The following XIRP2 variants were observed in gnomAD, a reference collection of about 807,000 sequenced individuals.
XIRP2 encodes the protein xin actin-binding repeat-containing protein 2.
Under a neutral mutation model 277.0 loss-of-function variants are expected in XIRP2, and 236 were observed. The ratio of observed to expected loss-of-function variants is 0.85; its 90% confidence interval spans 0.77 to 0.95. The LOEUF (loss-of-function observed/expected upper bound fraction) is 0.95, where lower values mean the gene tolerates loss of function less well. XIRP2 is among the 40% of genes least tolerant of loss of function. XIRP2 has a pLI of 0.00. For missense variants in XIRP2, 4,640 were observed against 4,157.5 expected, an observed-to-expected ratio of 1.12 and a Z score of -3.19; for synonymous variants, 1,490 against 1,416.5, an observed-to-expected ratio of 1.05 and a Z score of -1.17.
At chr2:167,239,997 A>G in intron 6 of XIRP2, 32 bp downstream of exon 6, 3 of 1,557,948 alleles carry the variant, frequency 1.9e-6, no homozygotes, top group East Asian at 2.3e-5. Flanking sequence ...ACTTTCAAAC[A>G]GTTTCCAGGA....
intron 3 of XIRP2, among the ~76,000 whole-genome samples, chr2:167,206,090 G>A (rs997193969): frequency 3.3e-5 from 5 of 152,058 alleles, no homozygotes; most frequent in African/African-American, 9.7e-5. Context: ...TCTGAATTTT[G>A]TTTCTTTACT....
At chr2:167,152,667 T>C (rs1422215501) in intron 3 of XIRP2, among the ~76,000 whole-genome samples, 3 of 152,006 alleles carry the variant, frequency 2.0e-5, no homozygotes, top group Non-Finnish European at 4.4e-5. Flanking sequence ...AACAAGAAGA[T>C]AGACCAAATA....
chr2:166,892,698 G>A (rs1011627779), intron 1 of XIRP2, among the ~76,000 whole-genome samples: 1 of 151,608 alleles, frequency 6.6e-6, no homozygotes, highest in Non-Finnish European at 1.5e-5. Flanking sequence ...TGAAGTTTGT[G>A]TTCTTTTCTG....
At chr2:166,929,574 A>G (rs1685274271) in intron 2 of XIRP2, among the ~76,000 whole-genome samples, 1 of 152,154 alleles carries the variant, frequency 6.6e-6, no homozygotes, top group Non-Finnish European at 1.5e-5. Flanking sequence ...TATAGTGATT[A>G]TAATATTGTT....
At chr2:166,988,917 T>C (rs1467666040) in intron 2 of XIRP2, among the ~76,000 whole-genome samples, 150 of 115,014 alleles carry the variant, frequency 1.3e-3, no homozygotes, top group African/African-American at 5.1e-3. Flanking sequence ...CAGGCTTGCT[T>C]AGGTAAACAA....
At chr2:166,903,397 T>C (rs1470021253) in intron 1 of XIRP2, 68 bp from the exon 2 acceptor site, 1 of 1,458,634 alleles carries the variant, frequency 6.9e-7, no homozygotes, top group Non-Finnish European at 9.2e-7. Context: ...GCTCCTAGAG[T>C]ATTTTGAGTC....
intron 2 of XIRP2, among the ~76,000 whole-genome samples, chr2:167,108,898 C>T (rs1436845982): frequency 6.6e-6 from 1 of 151,442 alleles, no homozygotes; most frequent in Non-Finnish European, 1.5e-5. Flanking sequence ...TTCAGAGGTA[C>T]ATGCATAAGT....
intron 2 of XIRP2, among the ~76,000 whole-genome samples, chr2:167,029,634 C>T (rs1409839187): frequency 4.6e-5 from 7 of 151,970 alleles, no homozygotes; most frequent in East Asian, 3.9e-4. Flanking sequence ...ATTTTTGCAT[C>T]GACGTTCATC....
chr2:167,248,428 C>T lies in XIRP2; in HGVS notation c.7036C>T (p.Leu2346Phe), dbSNP rs770566733. 23 of 1,613,726 alleles carry T rather than the reference C, an allele frequency of 1.4e-5. No homozygotes were observed. Among genetic ancestry groups the T allele is most frequent in the Non-Finnish European group, 1.9e-5 (23 of 1,179,874 alleles). ...ATTTGAAAGTTTTCCAGGCCTCCCT[C>T]TTCCTCCACCTCCAGTAGATGAGAA... is the stretch of plus-strand genomic sequence containing the variant. ...AEFESFPGLP[L>F]PPPPVDEKSE... The change falls in exon 9 of 11, where the codon CTT becomes TTT. Residue 2346 changes from leucine (L) to phenylalanine (F), a missense_variant. Leu to Phe is a conservative substitution (Grantham distance 22, BLOSUM62 0). Coordinates refer to ENST00000409195, the MANE Select transcript of XIRP2 (RefSeq NM_152381.6).
At chr2:167,016,587 C>A (rs905215809) in intron 2 of XIRP2, among the ~76,000 whole-genome samples, 6 of 151,966 alleles carry the variant, frequency 3.9e-5, no homozygotes, top group Admixed American at 1.3e-4. Flanking sequence ...ACAGTCTGTA[C>A]TTTTACTTCC....
intron 2 of XIRP2, among the ~76,000 whole-genome samples, chr2:167,075,604 G>T (rs1042360324): frequency 1.3e-5 from 2 of 152,104 alleles, no homozygotes; most frequent in Non-Finnish European, 2.9e-5. Context: ...TTATAGCCAG[G>T]ACCAATATTT....
intron 2 of XIRP2, among the ~76,000 whole-genome samples, chr2:166,908,416 T>A (rs1684590588): frequency 6.6e-6 from 1 of 152,238 alleles, no homozygotes; most frequent in African/African-American, 2.4e-5. Flanking sequence ...ATGTCTTCTT[T>A]TGAGAAGTGC....
chr2:167,184,609 C>T (rs1214078449), intron 3 of XIRP2: 2 of 717,412 alleles, frequency 2.8e-6, no homozygotes, highest in East Asian at 2.7e-5. Flanking sequence ...CAAAGACCCC[C>T]AAGAACAGCC....
At chr2:167,123,985 G>C (rs1223027743) in intron 2 of XIRP2, 1 of 152,160 alleles carries the variant, frequency 6.6e-6, no homozygotes, top group Non-Finnish European at 1.5e-5. Flanking sequence ...TCAAGCGCCT[G>C]TAGGAGTGAC....
At chr2:167,198,299 AC>A (rs1242764912) in intron 3 of XIRP2, among the ~76,000 whole-genome samples, 1 of 152,210 alleles carries the variant, frequency 6.6e-6, no homozygotes, top group Non-Finnish European at 1.5e-5. Context: ...GAGGAGAGTA[AC>A]CCAGCATCTG....
intron 2 of XIRP2, among the ~76,000 whole-genome samples, chr2:166,958,964 C>T (rs1441513638): frequency 6.6e-6 from 1 of 151,758 alleles, no homozygotes; most frequent in African/African-American, 2.4e-5. Flanking sequence ...AACTCTAGCA[C>T]AGACTCCTCT....
In XIRP2 at chr2:167,247,853, CT is replaced by C. The variant is rs777208849; in HGVS notation, c.6462del (p.Asp2155IlefsTer34). 4 of 1,613,516 alleles carry C rather than the reference CT, an allele frequency of 2.5e-6. No homozygotes were observed. The East Asian group carries it at 8.9e-5, about 36-fold the overall frequency. ...PKKTKNIKIL[T>X]DTQSSKPSPT... ...AAGACCAAAAATATTAAAATATTAA[CT>C]GATACACAAAGCTCCAAGCCCAGTC... On this transcript the variant is annotated frameshift_variant, in exon 9 of 11. Coordinates refer to ENST00000409195, the MANE Select transcript of XIRP2 (RefSeq NM_152381.6). LOFTEE classifies it high-confidence loss of function.
rs772263696 is a variant in XIRP2, at chr2:167,246,907, G to A, written c.5515G>A (p.Gly1839Ser). The part of the protein sequence containing the change: ...GKIPKEEIIK[G>S]DLTSTLNSLS... ...GATACCCAAAGAAGAGATTATAAAAGGTGATTTGACATCAACCCTAAATTC... is the reference window on the plus strand; with the variant it reads ...GATACCCAAAGAAGAGATTATAAAAAGTGATTTGACATCAACCCTAAATTC... The change falls in exon 9 of 11, where the codon GGT becomes AGT. Residue 1839 changes from glycine (G) to serine (S), a missense_variant. Gly to Ser is a moderately conservative substitution (Grantham distance 56). Coordinates refer to ENST00000409195, the MANE Select transcript of XIRP2 (RefSeq NM_152381.6). The A allele has an allele frequency of 2.5e-6, 4 of 1,613,350 alleles. No homozygotes were observed. The highest frequency in any genetic ancestry group is 3.4e-6 in the Non-Finnish European group (4 of 1,179,788).
chr2:167,167,804 A>G (rs1692567178), intron 3 of XIRP2, among the ~76,000 whole-genome samples: 2 of 152,166 alleles, frequency 1.3e-5, no homozygotes, highest in Admixed American at 1.3e-4. Context: ...AAAGATTTTT[A>G]TTTAGTCTTC....
Sources: allele counts gnomAD v4.1 joint callset (sites outside exome capture counted in the v4.1 genomes callset), GRCh38; gene constraint gnomAD v4.1.1; transcripts MANE v1.5; gene names NCBI Gene and HGNC (gene_info 2026-07-23, HGNC 2026-07-21).